The following MAD1L1 variants were observed in gnomAD, a reference collection of about 807,000 sequenced individuals.
MAD1L1 encodes mitotic spindle assembly checkpoint protein MAD1.
MAD1L1 carries 95 observed loss-of-function variants against 96.9 expected under a neutral mutation model. The observed-to-expected ratio is 0.98, with a 90% CI of 0.83 to 1.16. The LOEUF is 1.16. Ranked by LOEUF, MAD1L1 falls within the 50% of genes most tolerant of loss-of-function variation. The pLI, the probability that MAD1L1 is intolerant of heterozygous loss-of-function variation, is 0.00. For synonymous variants in MAD1L1, 473 were observed against 396.6 expected, an observed-to-expected ratio of 1.19 and a Z score of -2.29; for missense variants, 1,007 against 954.4, an observed-to-expected ratio of 1.06 and a Z score of -0.73.
At chr7:1,959,507 T>C (rs1482243938) in intron 15 of MAD1L1, among the ~76,000 whole-genome samples, 3 of 152,088 alleles carry the variant, frequency 2.0e-5, no homozygotes, top group African/African-American at 7.2e-5. Context: ...AAGAAGACGC[T>C]GGCAGCCCCA....
chr7:2,121,804 C>T (rs1787994980), intron 11 of MAD1L1, among the ~76,000 whole-genome samples: 2 of 152,094 alleles, frequency 1.3e-5, no homozygotes, highest in African/African-American at 4.8e-5. Flanking sequence ...CTCACTGTCC[C>T]TCCAGACGGT....
In MAD1L1 at chr7:1,816,026, C is replaced by T. The variant is rs1309346162; in HGVS notation, c.*44G>A. The T allele has an allele frequency of 6.5e-7, 1 of 1,547,700 alleles. No homozygotes were observed. The highest frequency in any genetic ancestry group is 8.7e-7 in the Non-Finnish European group (1 of 1,146,310). The stretch of plus-strand genomic sequence containing the variant: ...CTGGCGGGGCAGGGGACCTGCAGGT[C>T]AGGCCAAGCAGAGTGGCTCCGGCTA... On this transcript the variant is annotated 3_prime_UTR_variant, in exon 19 of 19. Coordinates refer to ENST00000265854, the MANE Select transcript of MAD1L1 (RefSeq NM_001013836.2).
At chr7:1,931,013 G>A (rs62442913) in intron 17 of MAD1L1, among the ~76,000 whole-genome samples, 25,184 of 151,092 alleles carry the variant, frequency 0.17, 2,595 homozygotes, top group South Asian at 0.27. Context: ...GCGAGGGCGC[G>A]TCGTGGGGTC....
intron 16 of MAD1L1, among the ~76,000 whole-genome samples, chr7:1,951,539 G>C (rs1222244574): frequency 6.6e-6 from 1 of 152,186 alleles, no homozygotes; most frequent in African/African-American, 2.4e-5. Flanking sequence ...CATTCCCAGA[G>C]CTTCCTCATC....
chr7:2,073,111 G>A (rs1362354992), intron 11 of MAD1L1, among the ~76,000 whole-genome samples: 2 of 152,204 alleles, frequency 1.3e-5, no homozygotes, highest in Admixed American at 6.5e-5. Flanking sequence ...GGCCGCCTCG[G>A]TGAGGCAGGA....
chr7:1,979,548 C>A (rs1023488615), intron 15 of MAD1L1, among the ~76,000 whole-genome samples: 1 of 152,234 alleles, frequency 6.6e-6, no homozygotes. Context: ...CCACCTGCAT[C>A]TGCCTGGAAA....
intron 12 of MAD1L1, among the ~76,000 whole-genome samples, chr7:2,037,936 G>A (rs1783512252): frequency 6.6e-6 from 1 of 152,210 alleles, no homozygotes; most frequent in Admixed American, 6.5e-5. Flanking sequence ...TAGTGAGGAA[G>A]GCGTGCCAAA....
intron 18 of MAD1L1, among the ~76,000 whole-genome samples, chr7:1,829,125 A>G (rs12537430): frequency 0.62 from 94,055 of 152,214 alleles, 29,235 homozygotes; most frequent in Middle Eastern, 0.7. Flanking sequence ...GCGACGTCAC[A>G]TGGCCTGACA....
chr7:2,046,144 G>A (rs563703929), intron 12 of MAD1L1, among the ~76,000 whole-genome samples: 3 of 152,158 alleles, frequency 2.0e-5, no homozygotes, highest in Non-Finnish European at 4.4e-5. Context: ...TGGGATGCGG[G>A]TGGTGGCGCA....
chr7:2,037,651 C>T (rs774777709), intron 12 of MAD1L1, among the ~76,000 whole-genome samples: 29 of 152,088 alleles, frequency 1.9e-4, no homozygotes, highest in Non-Finnish European at 3.8e-4. Context: ...CTGTGATCGG[C>T]GGTCTCCGAT....
chr7:2,169,090 T>C (rs767219171), intron 10 of MAD1L1, among the ~76,000 whole-genome samples: 5 of 152,180 alleles, frequency 3.3e-5, no homozygotes, highest in Non-Finnish European at 7.3e-5. Context: ...AACCTGAATA[T>C]TCACAGGAGG....
intron 18 of MAD1L1, among the ~76,000 whole-genome samples, chr7:1,833,042 T>G (rs1462716107): frequency 6.6e-6 from 1 of 152,182 alleles, no homozygotes; most frequent in Non-Finnish European, 1.5e-5. Context: ...GCAAAGAGAT[T>G]ACAACTGGCT....
At chr7:1,857,864 G>A (rs1377194424) in intron 18 of MAD1L1, among the ~76,000 whole-genome samples, 1 of 152,198 alleles carries the variant, frequency 6.6e-6, no homozygotes. Flanking sequence ...GGTGGTGCCT[G>A]GGGACCTCCA....
intron 15 of MAD1L1, 133 bp downstream of exon 15, chr7:1,980,320 C>A (rs1261266579): frequency 1.1e-5 from 8 of 721,302 alleles, no homozygotes; most frequent in African/African-American, 1.8e-5. Context: ...CACACCTGGG[C>A]GTATCCGCCT....
intron 10 of MAD1L1, among the ~76,000 whole-genome samples, chr7:2,173,345 G>A (rs577287798): frequency 2.0e-4 from 30 of 152,182 alleles, no homozygotes; most frequent in African/African-American, 7.2e-4. Context: ...AGCTCTAGCT[G>A]CCCCGCGTCT....
chr7:2,224,270 C>T (rs1793764783), intron 4 of MAD1L1, among the ~76,000 whole-genome samples: 1 of 152,162 alleles, frequency 6.6e-6, no homozygotes, highest in Admixed American at 6.5e-5. Context: ...GGCTCCTCTC[C>T]ACCCCTAACA....
chr7:2,219,571 G>C (rs1207767189), intron 5 of MAD1L1, 115 bp from the exon 6 acceptor site: 2 of 1,152,072 alleles, frequency 1.7e-6, no homozygotes, highest in Non-Finnish European at 2.4e-6. Context: ...GCTATAATCA[G>C]GGCAGGAGGC....
At chr7:1,874,243 G>A (rs762423767) in intron 18 of MAD1L1, among the ~76,000 whole-genome samples, 4 of 152,324 alleles carry the variant, frequency 2.6e-5, no homozygotes, top group South Asian at 2.1e-4. Flanking sequence ...TCCCACCAGC[G>A]CATCAGCTTT....
intron 18 of MAD1L1, among the ~76,000 whole-genome samples, chr7:1,856,704 C>T (rs1045350735): frequency 6.6e-6 from 1 of 152,194 alleles, no homozygotes; most frequent in Non-Finnish European, 1.5e-5. Flanking sequence ...ATAGCCCCGC[C>T]GCGCTCCAGA....
Sources: gnomAD v4.1 joint callset for allele counts (sites outside exome capture counted in the v4.1 genomes callset) on GRCh38, gnomAD v4.1.1 for gene constraint, MANE v1.5 for transcripts, NCBI Gene and HGNC (gene_info 2026-07-23, HGNC 2026-07-21) for gene names.